GOLM2: variants seen among roughly 807,000 people sequenced by gnomAD.
GOLM2 encodes the protein protein GOLM2.
GOLM2 carries 26 observed loss-of-function variants against 55.9 expected under a neutral mutation model. The observed-to-expected ratio is 0.47, with a 90% CI of 0.34 to 0.65. The LOEUF (loss-of-function observed/expected upper bound fraction) is 0.65. GOLM2 is among the 30% of genes least tolerant of loss of function. The pLI, the probability that GOLM2 is intolerant of heterozygous loss-of-function variation, is 0.01. For missense variants in GOLM2, 486 were observed against 531.8 expected, an observed-to-expected ratio of 0.91 and a Z score of 0.85; for synonymous variants, 165 against 194.6, an observed-to-expected ratio of 0.85 and a Z score of 1.27.
At chr15:44,336,468 A>G (rs1456022057) in intron 4 of GOLM2, among the ~76,000 whole-genome samples, 1 of 152,192 alleles carries the variant, frequency 6.6e-6, no homozygotes, top group Non-Finnish European at 1.5e-5. Context: ...AAAACTATTA[A>G]TTTTATTTCT....
At chr15:44,377,813 T>G (rs1377475285) in intron 6 of GOLM2, among the ~76,000 whole-genome samples, 4 of 151,800 alleles carry the variant, frequency 2.6e-5, no homozygotes, top group Non-Finnish European at 5.9e-5. Context: ...ATAAAAAAGA[T>G]TATAAGATAG....
At chr15:44,357,282 A>G (rs1485085100) in intron 6 of GOLM2, among the ~76,000 whole-genome samples, 1 of 152,222 alleles carries the variant, frequency 6.6e-6, no homozygotes, top group Non-Finnish European at 1.5e-5. Context: ...AATTCATCGT[A>G]TTAGCAGGCT....
intron 7 of GOLM2, 48 bp downstream of exon 7, chr15:44,379,836 C>T: frequency 9.5e-7 from 1 of 1,049,702 alleles, no homozygotes; most frequent in Middle Eastern, 2.0e-4. Context: ...ACTTACTAGT[C>T]ATGTACAGTT....
intron 6 of GOLM2, among the ~76,000 whole-genome samples, chr15:44,363,733 C>A (rs1194027669): frequency 1.3e-5 from 2 of 151,488 alleles, no homozygotes; most frequent in Non-Finnish European, 2.9e-5. Context: ...GCTATAAAGA[C>A]ACATGCACAC....
intron 1 of GOLM2, among the ~76,000 whole-genome samples, chr15:44,295,788 G>T (rs2078752274): frequency 6.6e-6 from 1 of 152,046 alleles, no homozygotes; most frequent in African/African-American, 2.4e-5. Context: ...TAGACCCACT[G>T]TAACTTAAGC....
chr15:44,367,882 G>T (rs2079296974), intron 6 of GOLM2, among the ~76,000 whole-genome samples: 1 of 150,278 alleles, frequency 6.7e-6, no homozygotes, highest in Non-Finnish European at 1.5e-5. Context: ...CTTTTATTGT[G>T]TGTTTTTTCT....
At chr15:44,354,132 T>C (rs1181457711) in intron 6 of GOLM2, among the ~76,000 whole-genome samples, 1 of 152,036 alleles carries the variant, frequency 6.6e-6, no homozygotes, top group Non-Finnish European at 1.5e-5. Context: ...TTAGTATTAA[T>C]CCACTGTATG....
chr15:44,323,580 GC>G (rs979064459), intron 2 of GOLM2, among the ~76,000 whole-genome samples: 17 of 150,216 alleles, frequency 1.1e-4, no homozygotes, highest in African/African-American at 4.1e-4. Flanking sequence ...AAAAAAAAAA[GC>G]CCTGCAATCT....
chr15:44,376,230 G>A (rs528234123), intron 6 of GOLM2, among the ~76,000 whole-genome samples: 37 of 152,026 alleles, frequency 2.4e-4, no homozygotes, highest in African/African-American at 8.5e-4. Context: ...GCAAAACTCC[G>A]TCTCAAAAAA....
At chr15:44,342,537 A>G (rs953565916) in intron 6 of GOLM2, among the ~76,000 whole-genome samples, 3 of 152,108 alleles carry the variant, frequency 2.0e-5, no homozygotes, top group Admixed American at 1.3e-4. Context: ...AAAGCACTGC[A>G]ACTACAGGTG....
intron 2 of GOLM2, 145 bp from the exon 3 acceptor site, chr15:44,328,540 T>G: frequency 1.8e-6 from 1 of 553,896 alleles, no homozygotes; most frequent in Admixed American, 3.5e-5. Flanking sequence ...TTAAATGTGG[T>G]GTTTGTTATA....
rs2079393967 is a variant in GOLM2, at chr15:44,380,462, T to G, written c.902-344T>G. Among the ~76,000 whole-genome samples, 3 of 152,138 alleles carry G rather than the reference T, an allele frequency of 2.0e-5. No homozygotes were observed. The South Asian group carries it at 6.2e-4, about 32-fold the overall frequency. On this transcript the variant is annotated intron_variant, in intron 7 of 9. Coordinates refer to ENST00000299957, the MANE Select transcript of GOLM2 (RefSeq NM_138423.4). ...AAAGCCTTACTGGATTTTGGAGATT[T>G]CTGATAGTGATATGGAATTTGGAGG...
chr15:44,292,267 G>C (rs1183235731), intron 1 of GOLM2, among the ~76,000 whole-genome samples: 1 of 146,658 alleles, frequency 6.8e-6, no homozygotes, highest in Non-Finnish European at 1.5e-5. Context: ...GTGTGATCTC[G>C]GCTCACTGCA....
chr15:44,332,066 A>G lies in GOLM2; in HGVS notation c.564A>G (p.Leu188=), dbSNP rs1338998957. 7.0e-6 allele frequency: 11 copies of G among 1,567,428 alleles called. No homozygotes were observed. The highest frequency in any genetic ancestry group is 7.8e-6 in the Non-Finnish European group (9 of 1,147,610). ...ENIKKLADQF[L]EEQKQETQKI... ...TTAAAAAGTTAGCAGACCAGTTTTT[A>G]GAGGAACAAAAGGTAAATTTTAAAA... is the stretch of plus-strand genomic sequence containing the variant. Residue 188 remains leucine, a synonymous_variant, in exon 4 of 10, where the codon TTA becomes TTG. Transcript: ENST00000299957.
chr15:44,344,310 T>TAC (rs1842590491), intron 6 of GOLM2, among the ~76,000 whole-genome samples: 1 of 148,762 alleles, frequency 6.7e-6, no homozygotes, highest in South Asian at 2.1e-4. Context: ...TATATATATA[T>TAC]ACCTCTGAAA....
Position 44,391,473 on chromosome 15 carries a change from C to T in GOLM2, c.1072+10497C>T, listed in dbSNP as rs541032196. 2.7e-5 allele frequency among the ~76,000 whole-genome samples: 4 copies of T among 150,416 alleles called. No homozygotes were observed. In the South Asian group the frequency reaches 8.4e-4, roughly 32 times the overall value. Reference sequence around the variant, plus strand: ...TGGAGGTTGCAGTGAGCCAAGATTGCGCCACTGTACTCCAGCCTGGGCGAC... The same window carrying T: ...TGGAGGTTGCAGTGAGCCAAGATTGTGCCACTGTACTCCAGCCTGGGCGAC... On this transcript the variant is annotated intron_variant, in intron 8 of 9. Transcript: ENST00000299957.
intron 8 of GOLM2, among the ~76,000 whole-genome samples, chr15:44,397,311 C>G (rs2079532909): frequency 6.6e-6 from 1 of 151,788 alleles, no homozygotes; most frequent in African/African-American, 2.4e-5. Context: ...AACCCCATCT[C>G]TACTAAAAAT....
intron 8 of GOLM2, among the ~76,000 whole-genome samples, chr15:44,385,745 A>G (rs968395975): frequency 6.6e-6 from 1 of 151,934 alleles, no homozygotes; most frequent in Non-Finnish European, 1.5e-5. Flanking sequence ...TTTTGTGGAG[A>G]TGGGGTCTTG....
At chr15:44,361,340 G>A (rs532446599) in intron 6 of GOLM2, among the ~76,000 whole-genome samples, 125 of 152,316 alleles carry the variant, frequency 8.2e-4, no homozygotes, top group South Asian at 2.9e-3. Context: ...TCAAATAGAT[G>A]CAATAAAAAA....
Sources: allele counts gnomAD v4.1 joint callset (sites outside exome capture counted in the v4.1 genomes callset), GRCh38; gene constraint gnomAD v4.1.1; transcripts MANE v1.5; gene names NCBI Gene and HGNC (gene_info 2026-07-23, HGNC 2026-07-21).